Variants in CPM observed in about 807,000 individuals in gnomAD.
The protein encoded by CPM is renal carboxypeptidase.
CPM carries 35 observed loss-of-function variants against 46.4 expected under a neutral mutation model. That is an observed-to-expected ratio of 0.75 (90% CI 0.58 to 1.00). CPM has a LOEUF of 1.00. Ranked by LOEUF, CPM falls within the 50% of genes least tolerant of loss-of-function variation. The pLI is 0.00. For synonymous variants in CPM, 195 were observed against 195.3 expected, an observed-to-expected ratio of 1.00 and a Z score of 0.01; for missense variants, 422 against 530.4, an observed-to-expected ratio of 0.80 and a Z score of 2.01.
chr12:68,867,239 A>G (rs2136226909), intron 6 of CPM, among the ~76,000 whole-genome samples, 191 bp from the exon 7 acceptor site: 1 of 152,332 alleles, frequency 6.6e-6, no homozygotes, highest in South Asian at 2.1e-4. Context: ...AAATATTCCC[A>G]TATGGGTAAC....
upstream of CPM, among the ~76,000 whole-genome samples, chr12:68,937,922 C>T (rs1467217992): frequency 1.3e-5 from 2 of 152,078 alleles, no homozygotes; most frequent in African/African-American, 4.8e-5. Flanking sequence ...TGAATGAAAA[C>T]AGGATCAAAA....
chr12:68,956,005 T>A (rs56897643), intron 1 of CPM, among the ~76,000 whole-genome samples: 4,832 of 152,190 alleles, frequency 0.032, 125 homozygotes, highest in East Asian at 0.088. Flanking sequence ...GGAGCCTGTC[T>A]GCCTCCTGCC....
At chr12:68,936,575 G>C (rs556193259), upstream of CPM, among the ~76,000 whole-genome samples, 40 of 152,172 alleles carry the variant, frequency 2.6e-4, no homozygotes, top group Middle Eastern at 6.8e-3. Flanking sequence ...GTAGAGACGG[G>C]GTTTCACCAC....
intron 2 of CPM, among the ~76,000 whole-genome samples, chr12:68,893,162 A>AG (rs1886726830): frequency 6.6e-6 from 1 of 150,796 alleles, no homozygotes; most frequent in African/African-American, 2.4e-5. Flanking sequence ...AAAAAAAAAA[A>AG]GACAGTAGGG....
intron 2 of CPM, among the ~76,000 whole-genome samples, chr12:68,901,642 C>T (rs1297944670): frequency 1.3e-5 from 2 of 152,176 alleles, no homozygotes; most frequent in African/African-American, 2.4e-5. Flanking sequence ...AGTCATTAAT[C>T]TAGCAAAGGC....
chr12:68,847,539 C>A (rs1884414117), downstream of CPM: 1 of 144,940 alleles, frequency 6.9e-6, no homozygotes, highest in Non-Finnish European at 1.5e-5. Flanking sequence ...CTGCAAGCTC[C>A]GCCTCCCAGG....
At position 68,853,924 on chromosome 12, in the gene CPM, C is replaced by T. The variant is rs1002532654; in HGVS notation, c.*2513G>A. 6.6e-6 allele frequency: 1 copy of T among 151,706 alleles called. No homozygotes were observed. The highest frequency in any genetic ancestry group is 1.5e-5 in the Non-Finnish European group (1 of 67,944). 9.4% of individuals were successfully genotyped at this position (151,706 alleles called of 1,614,324 possible). ...TTTTCTTTTCTGTTTAGTGCTTTAC[C>T]CCTTAATTCTTATAGGTAACGGTCT... On this transcript the variant is annotated 3_prime_UTR_variant, in exon 9 of 9. Coordinates refer to ENST00000551568, the MANE Select transcript of CPM (RefSeq NM_198320.5).
At chr12:68,896,364 C>A (rs1886877344) in intron 2 of CPM, among the ~76,000 whole-genome samples, 1 of 151,758 alleles carries the variant, frequency 6.6e-6, no homozygotes, top group African/African-American at 2.4e-5. Context: ...TTATTGAAAC[C>A]AAAGGTTTTC....
chr12:68,887,951 A>G (rs1469008027), intron 2 of CPM, among the ~76,000 whole-genome samples: 1 of 152,154 alleles, frequency 6.6e-6, no homozygotes, highest in Non-Finnish European at 1.5e-5. Flanking sequence ...TTGATTAACC[A>G]ATTTCATTAA....
chr12:68,880,214 T>C (rs1161509408), intron 3 of CPM, among the ~76,000 whole-genome samples: 3 of 152,054 alleles, frequency 2.0e-5, no homozygotes, highest in Non-Finnish European at 4.4e-5. Flanking sequence ...TGTGTGCAAA[T>C]AATGTGTGTG....
chr12:68,939,377 A>G (rs1229254932), intron 1 of CPM, among the ~76,000 whole-genome samples: 1 of 148,552 alleles, frequency 6.7e-6, no homozygotes, highest in Non-Finnish European at 1.5e-5. Flanking sequence ...ATATGTAAAT[A>G]TACATCCTAT....
chr12:68,882,272 A>T (rs1362217069), intron 3 of CPM, among the ~76,000 whole-genome samples: 1 of 151,888 alleles, frequency 6.6e-6, no homozygotes, highest in Non-Finnish European at 1.5e-5. Flanking sequence ...GCTGGTAGCT[A>T]TTGTTCCCTT....
At chr12:68,851,040 G>T (rs749247829), downstream of CPM, 18 of 152,356 alleles carry the variant, frequency 1.2e-4, no homozygotes, top group Non-Finnish European at 2.2e-4. Flanking sequence ...TTGTTGCAAT[G>T]TTATTGCCTC....
At chr12:68,893,671 G>A (rs1476508913) in intron 2 of CPM, among the ~76,000 whole-genome samples, 1 of 152,214 alleles carries the variant, frequency 6.6e-6, no homozygotes, top group Non-Finnish European at 1.5e-5. Context: ...GAGGAACACA[G>A]AAGGCTTCCC....
At chr12:68,873,705 A>G (rs1291990303) in intron 3 of CPM, among the ~76,000 whole-genome samples, 4 of 151,312 alleles carry the variant, frequency 2.6e-5, no homozygotes, top group African/African-American at 9.7e-5. Flanking sequence ...AAAATTTGGG[A>G]TATATGAATT....
chr12:68,962,288 G>A (rs1307340163), intron 1 of CPM, among the ~76,000 whole-genome samples: 2 of 151,890 alleles, frequency 1.3e-5, no homozygotes, highest in Admixed American at 6.6e-5. Flanking sequence ...CAGTTCAGTA[G>A]TTTTAAGTAC....
Position 68,856,433 on chromosome 12 carries a change from T to C in CPM, c.*4A>G. The C allele has an allele frequency of 6.2e-7, 1 of 1,612,500 alleles. No individual in the cohort carries two copies. Among genetic ancestry groups the C allele is most frequent in the Non-Finnish European group, 8.5e-7 (1 of 1,179,076 alleles). ...GTGATGTGGGTTGAGTTTCACATTT[T>C]ACTTTATTTGAAGAATATGTGCAAA... On this transcript the variant is annotated 3_prime_UTR_variant, in exon 9 of 9. Transcript: ENST00000551568.
rs138490144 is a variant in CPM, at chr12:68,913,097, C to G, written c.160+19581G>C. 4.1e-4 allele frequency among the ~76,000 whole-genome samples: 63 copies of G among 152,300 alleles called. No homozygotes were observed. The East Asian group carries it at 0.011, about 26-fold the overall frequency. On this transcript the variant is annotated intron_variant, in intron 2 of 8. Coordinates refer to ENST00000551568, the MANE Select transcript of CPM (RefSeq NM_198320.5). ...GGATGTTAAGGATGCTGGGTAGATG[C>G]TGTCCTGCCAACCAGCCTTGTTGTT...
At chr12:68,882,115 G>C (rs1442635541) in intron 3 of CPM, among the ~76,000 whole-genome samples, 2 of 151,242 alleles carry the variant, frequency 1.3e-5, no homozygotes, top group African/African-American at 4.9e-5. Context: ...CAAGTGCAGG[G>C]GTACAAGTGC....
Sources: allele counts gnomAD v4.1 joint callset (sites outside exome capture counted in the v4.1 genomes callset), GRCh38; gene constraint gnomAD v4.1.1; transcripts MANE v1.5; gene names NCBI Gene and HGNC (gene_info 2026-07-23, HGNC 2026-07-21).